Variants in RPRD2 observed in about 807,000 individuals in gnomAD.
The protein encoded by RPRD2 is regulation of nuclear pre-mRNA domain containing 2.
A neutral mutation model predicts 104.4 loss-of-function variants in RPRD2; 12 were observed. The observed-to-expected ratio is 0.11, with a 90% CI of 0.07 to 0.19. RPRD2 has a LOEUF of 0.19. Among genes scored for constraint, RPRD2 ranks in the 10% least tolerant of loss-of-function variants. The pLI, the probability that RPRD2 is intolerant of heterozygous loss-of-function variation, is 1.00. For missense variants in RPRD2, 1,543 were observed against 1,790.1 expected (o/e 0.86, Z 2.49); for synonymous variants, 714 against 684.9 (o/e 1.04, Z -0.66).
intron 1 of RPRD2, among the ~76,000 whole-genome samples, chr1:150,397,546 T>A (rs889374864): frequency 2.0e-5 from 3 of 152,230 alleles, no homozygotes; most frequent in Admixed American, 2.0e-4. Context: ...TTCCAGAATG[T>A]CATGTAAATG....
rs1302798808 is a variant in RPRD2, at chr1:150,473,503, A to T, written c.*169A>T. 2.3e-6 allele frequency: 1 copy of T among 435,224 alleles called. No individual in the cohort carries two copies. Among genetic ancestry groups the T allele is most frequent in the African/African-American group, 2.1e-5 (1 of 46,702 alleles). The allele number at this position is 435,224 out of a possible 1,614,324, so 27.0% of individuals were successfully genotyped here. ...CACATACGCTTACGTTTTACTATTC[A>T]ATTCAATCCTCCCTCCCATTGCACT... On this transcript the variant is annotated 3_prime_UTR_variant, in exon 11 of 11. Transcript: ENST00000369068.
intron 1 of RPRD2, among the ~76,000 whole-genome samples, chr1:150,413,671 A>G (rs1270047339): frequency 2.0e-5 from 3 of 152,022 alleles, no homozygotes; most frequent in African/African-American, 7.2e-5. Flanking sequence ...CATGTTCGTA[A>G]TCTCAGCACT....
intron 1 of RPRD2, among the ~76,000 whole-genome samples, chr1:150,389,092 A>G (rs1199740261): frequency 6.6e-6 from 1 of 151,968 alleles, no homozygotes; most frequent in Non-Finnish European, 1.5e-5. Context: ...GCTGGTGTGC[A>G]GTGGTACAAT....
intron 1 of RPRD2, among the ~76,000 whole-genome samples, chr1:150,376,605 A>G (rs1660710688): frequency 6.7e-6 from 1 of 150,340 alleles, no homozygotes; most frequent in African/African-American, 2.5e-5. Flanking sequence ...GGTTCACGCC[A>G]TTCTCTCGCC....
At chr1:150,440,513 A>G (rs974067972) in intron 2 of RPRD2, among the ~76,000 whole-genome samples, 3 of 152,214 alleles carry the variant, frequency 2.0e-5, no homozygotes, top group Non-Finnish European at 4.4e-5. Context: ...ATGTTACAGT[A>G]TGTGATTGGT....
At chr1:150,397,449 TA>T (rs1245785674) in intron 1 of RPRD2, among the ~76,000 whole-genome samples, 3 of 152,138 alleles carry the variant, frequency 2.0e-5, no homozygotes, top group Admixed American at 2.0e-4. Flanking sequence ...AGAACTTATA[TA>T]AGTTCTGTTA....
intron 1 of RPRD2, among the ~76,000 whole-genome samples, chr1:150,380,217 C>T (rs1343301874): frequency 1.3e-5 from 2 of 152,096 alleles, no homozygotes; most frequent in East Asian, 3.9e-4. Context: ...GACATTTTCT[C>T]AGAATAAAGG....
rs1002815234 is a variant in RPRD2 at position 150,473,975 on chromosome 1, A to G, written c.*641A>G. 2.6e-5 allele frequency: 4 copies of G among 152,220 alleles called. No homozygotes were observed. Among genetic ancestry groups the G allele is most frequent in the African/African-American group, 7.2e-5 (3 of 41,456 alleles). The allele number at this position is 152,220 out of a possible 1,614,324, so 9.4% of individuals were successfully genotyped here. ...ACCCTTCTCCTAAAATCTTTTTTTA[A>G]TCAGCCTCAAGGTTAAAATAAGGAG... On this transcript the variant is annotated 3_prime_UTR_variant, in exon 11 of 11. Transcript: ENST00000369068.
intron 2 of RPRD2, among the ~76,000 whole-genome samples, chr1:150,436,134 A>G (rs2102338881): frequency 6.6e-6 from 1 of 152,132 alleles, no homozygotes; most frequent in African/African-American, 2.4e-5. Context: ...TTCAGGGAAA[A>G]AAAAAAAAAA....
intron 2 of RPRD2, among the ~76,000 whole-genome samples, chr1:150,418,822 G>C (rs1664558249): frequency 6.6e-6 from 1 of 152,120 alleles, no homozygotes; most frequent in African/African-American, 2.4e-5. Flanking sequence ...AGACCATCAA[G>C]AGATGGTAAA....
rs150197801 is a variant in RPRD2 at position 150,388,746 on chromosome 1, A to G, written c.205+23827A>G. 3.7e-3 allele frequency among the ~76,000 whole-genome samples: 557 copies of G among 151,568 alleles called. 13 individuals are homozygous for G. The highest frequency in any genetic ancestry group is 7.6e-3 in the East Asian group (39 of 5,102). ...CTCAGCCTCCTGAGTAGCTGGGACT[A>G]CAGGCACACACCACCACACCCAGCT... On this transcript the variant is annotated intron_variant, in intron 1 of 10. Transcript: ENST00000369068.
intron 1 of RPRD2, among the ~76,000 whole-genome samples, chr1:150,378,365 G>T (rs1572352391): frequency 6.6e-6 from 1 of 152,082 alleles, no homozygotes; most frequent in South Asian, 2.1e-4. Context: ...CTTGTTCAAG[G>T]TACACAACTA....
At chr1:150,382,405 G>A (rs1474791647) in intron 1 of RPRD2, among the ~76,000 whole-genome samples, 4 of 152,122 alleles carry the variant, frequency 2.6e-5, no homozygotes, top group Non-Finnish European at 5.9e-5. Flanking sequence ...TTTGTTTTGA[G>A]ACAGAGTTTG....
intron 2 of RPRD2, among the ~76,000 whole-genome samples, chr1:150,423,792 ATTT>A (rs151188685): frequency 0.021 from 2,998 of 145,558 alleles, 121 homozygotes; most frequent in African/African-American, 0.072. Context: ...CTGAAAACAA[ATTT>A]TTTTTTTTTT....
chr1:150,476,387 C>A lies in RPRD2; in HGVS notation c.*3053C>A, dbSNP rs930708349. The A allele has an allele frequency of 3.9e-5, 6 of 152,146 alleles. No individual in the cohort carries two copies. The highest frequency in any genetic ancestry group is 1.4e-4 in the African/African-American group (6 of 41,416). 9.4% of individuals were successfully genotyped at this position (152,146 alleles called of 1,614,324 possible). A position where few individuals can be genotyped will look rare whatever the true frequency, so the allele number is the denominator to read the frequency against. On this transcript the variant is annotated 3_prime_UTR_variant, in exon 11 of 11. Transcript: ENST00000369068. ...CTGTAAATTACTGCTTTCCCCAGTTCCCCCACTATTTTTTTTAAGTGGGCG... is the reference window on the plus strand; with the variant it reads ...CTGTAAATTACTGCTTTCCCCAGTTACCCCACTATTTTTTTTAAGTGGGCG...
intron 1 of RPRD2, among the ~76,000 whole-genome samples, chr1:150,376,357 T>C (rs905519570): frequency 5.3e-5 from 8 of 152,170 alleles, no homozygotes; most frequent in Non-Finnish European, 1.0e-4. Context: ...TTAGTAAAAG[T>C]TGCACTGTGA....
intron 8 of RPRD2, among the ~76,000 whole-genome samples, chr1:150,457,995 TGA>T (rs1287073688): frequency 6.6e-6 from 1 of 151,988 alleles, no homozygotes; most frequent in Non-Finnish European, 1.5e-5. Flanking sequence ...CGCTTGAACC[TGA>T]GAGAGGGGTT....
chr1:150,433,061 A>T (rs1237974134), intron 2 of RPRD2, among the ~76,000 whole-genome samples: 1 of 152,190 alleles, frequency 6.6e-6, no homozygotes, highest in Admixed American at 6.6e-5. Flanking sequence ...TGGCTACCCT[A>T]TTATATACTC....
In RPRD2 at chr1:150,471,835, C is replaced by T; in HGVS notation, c.2887C>T (p.Pro963Ser). ...TCTCAGTTTGCCACAGAAGCAGTAC[C>T]CAGACTCTCCTCACCCAGTCCCACA... is the stretch of plus-strand genomic sequence containing the variant. The part of the protein sequence containing the change: ...GHLSLPQKQY[P>S]DSPHPVPHRS... The change falls in exon 11 of 11, where the codon CCA becomes TCA. Residue 963 changes from proline (P) to serine (S), a missense_variant. Physicochemically the swap from Pro to Ser is moderately conservative, Grantham distance 74. Transcript: ENST00000369068. The surrounding 1 kb of genome is among the most constrained non-coding windows in gnomAD (Gnocchi z 5.3). 1.2e-6 allele frequency: 2 copies of T among 1,613,894 alleles called. No individual in the cohort carries two copies. Among genetic ancestry groups the T allele is most frequent in the Admixed American group, 1.7e-5 (1 of 60,006 alleles).
Sources: allele counts gnomAD v4.1 joint callset (sites outside exome capture counted in the v4.1 genomes callset), GRCh38; gene constraint gnomAD v4.1.1; non-coding constraint Gnocchi (gnomAD v3.1); transcripts MANE v1.5; gene names NCBI Gene and HGNC (gene_info 2026-07-23, HGNC 2026-07-21).